The following BMP5 variants were observed in gnomAD, a reference collection of about 807,000 sequenced individuals.
BMP5 encodes the protein bone morphogenetic protein 5.
A neutral mutation model predicts 46.6 loss-of-function variants in BMP5; 23 were observed. That is an observed-to-expected ratio of 0.49 (90% CI 0.35 to 0.70). The LOEUF (loss-of-function observed/expected upper bound fraction) is 0.70, where lower values mean the gene tolerates loss of function less well. Among genes scored for constraint, BMP5 ranks in the 30% least tolerant of loss-of-function variants. The pLI, the probability that BMP5 is intolerant of heterozygous loss-of-function variation, is 0.00. For missense variants in BMP5, 545 were observed against 565.6 expected (o/e 0.96, Z 0.37); for synonymous variants, 204 against 191.9 (o/e 1.06, Z -0.52).
intron 2 of BMP5, among the ~76,000 whole-genome samples, chr6:55,808,028 G>A (rs1776034142): frequency 6.6e-6 from 1 of 152,148 alleles, no homozygotes; most frequent in South Asian, 2.1e-4. Flanking sequence ...ACTTCAGTGG[G>A]GGGAGAAACC....
chr6:55,807,792 G>C (rs1776026322), intron 2 of BMP5, among the ~76,000 whole-genome samples: 1 of 152,156 alleles, frequency 6.6e-6, no homozygotes, highest in Non-Finnish European at 1.5e-5. Flanking sequence ...TCTTGGGAGG[G>C]TGTATGTGTC....
At chr6:55,803,750 A>G (rs1164154465) in intron 2 of BMP5, among the ~76,000 whole-genome samples, 1 of 152,176 alleles carries the variant, frequency 6.6e-6, no homozygotes, top group Non-Finnish European at 1.5e-5. Context: ...AGTTTGTGGA[A>G]TTCATGGTGA....
chr6:55,828,018 A>G (rs1776572563), intron 1 of BMP5, among the ~76,000 whole-genome samples: 1 of 151,888 alleles, frequency 6.6e-6, no homozygotes, highest in South Asian at 2.1e-4. Context: ...CAACCATTCT[A>G]ATCTCACCAG....
intron 2 of BMP5, among the ~76,000 whole-genome samples, chr6:55,807,045 T>C (rs1418123010): frequency 6.6e-6 from 1 of 152,120 alleles, no homozygotes; most frequent in African/African-American, 2.4e-5. Flanking sequence ...TCTCTTCCTA[T>C]CTGAATACCC....
At chr6:55,826,304 C>T (rs1776530473) in intron 1 of BMP5, among the ~76,000 whole-genome samples, 1 of 151,572 alleles carries the variant, frequency 6.6e-6, no homozygotes, top group Admixed American at 6.6e-5. Context: ...CAGTTATTAT[C>T]CTCTTACTCA....
intron 1 of BMP5, among the ~76,000 whole-genome samples, chr6:55,872,631 T>C (rs542875132): frequency 5.3e-4 from 80 of 151,906 alleles, no homozygotes; most frequent in South Asian, 1.4e-3. Flanking sequence ...AAATCATGCT[T>C]ACACTTCTCT....
chr6:55,764,133 A>T (rs1256652088), intron 4 of BMP5, among the ~76,000 whole-genome samples: 1 of 152,216 alleles, frequency 6.6e-6, no homozygotes, highest in African/African-American at 2.4e-5. Flanking sequence ...AAACAAAGGA[A>T]ATCAATAAGT....
At chr6:55,787,874 C>T (rs1456990365) in intron 3 of BMP5, among the ~76,000 whole-genome samples, 1 of 151,566 alleles carries the variant, frequency 6.6e-6, no homozygotes, top group Non-Finnish European at 1.5e-5. Context: ...ATCTAAATCT[C>T]AAAATCTAAA....
intron 3 of BMP5, among the ~76,000 whole-genome samples, chr6:55,776,297 C>G (rs1444921146): frequency 6.6e-6 from 1 of 151,888 alleles, no homozygotes; most frequent in African/African-American, 2.4e-5. Context: ...TCTGGCAGCC[C>G]TTTCACTGTA....
intron 1 of BMP5, among the ~76,000 whole-genome samples, chr6:55,873,606 T>C (rs1420116961): frequency 4.6e-5 from 7 of 151,980 alleles, no homozygotes; most frequent in South Asian, 2.1e-4. Flanking sequence ...CAGCTACAAC[T>C]AAAACATAAT....
intron 2 of BMP5, among the ~76,000 whole-genome samples, chr6:55,805,122 T>C (rs1167137335): frequency 6.6e-6 from 1 of 152,172 alleles, no homozygotes; most frequent in Non-Finnish European, 1.5e-5. Context: ...TTATCAAGAG[T>C]ACTATATTAT....
chr6:55,788,836 C>A (rs1040344354), intron 3 of BMP5, among the ~76,000 whole-genome samples: 1 of 151,832 alleles, frequency 6.6e-6, no homozygotes, highest in Non-Finnish European at 1.5e-5. Context: ...CATTTATCCT[C>A]CTCATTTAAA....
At chr6:55,778,134 C>A (rs766681975) in intron 3 of BMP5, among the ~76,000 whole-genome samples, 1 of 151,970 alleles carries the variant, frequency 6.6e-6, no homozygotes, top group Non-Finnish European at 1.5e-5. Context: ...AGAGACAATG[C>A]CAGTAATGGG....
At chr6:55,775,569 T>C (rs1195348187) in intron 3 of BMP5, among the ~76,000 whole-genome samples, 1 of 151,950 alleles carries the variant, frequency 6.6e-6, no homozygotes, top group Non-Finnish European at 1.5e-5. Flanking sequence ...TAACATATAA[T>C]GTGGTTTGAA....
intron 1 of BMP5, among the ~76,000 whole-genome samples, chr6:55,848,101 G>A (rs1460454615): frequency 6.6e-6 from 1 of 151,918 alleles, no homozygotes; most frequent in Non-Finnish European, 1.5e-5. Flanking sequence ...TTCCCTGTGT[G>A]AGGTCAAAAG....
At chr6:55,874,309 T>A in intron 1 of BMP5, 67 bp downstream of exon 1, 1 of 1,601,016 alleles carries the variant, frequency 6.2e-7, no homozygotes, top group South Asian at 1.1e-5. Flanking sequence ...ACCAAGCAGC[T>A]CCTTTACCAT....
chr6:55,810,691 A>T (rs1776110405), intron 2 of BMP5, among the ~76,000 whole-genome samples: 2 of 152,228 alleles, frequency 1.3e-5, no homozygotes, highest in Non-Finnish European at 2.9e-5. Context: ...ATATTAGCTT[A>T]TGGCACAAAC....
At chr6:55,866,602 A>G (rs1777645106) in intron 1 of BMP5, among the ~76,000 whole-genome samples, 1 of 152,148 alleles carries the variant, frequency 6.6e-6, no homozygotes, top group South Asian at 2.1e-4. Flanking sequence ...TTTGCTCTAC[A>G]TACTTGCATA....
intron 1 of BMP5, among the ~76,000 whole-genome samples, chr6:55,854,235 T>A (rs965274302): frequency 6.6e-6 from 1 of 152,048 alleles, no homozygotes; most frequent in Non-Finnish European, 1.5e-5. Flanking sequence ...CAAGTAGGAG[T>A]GAAGACAGAT....
Sources: gnomAD v4.1 joint callset for allele counts (sites outside exome capture counted in the v4.1 genomes callset) on GRCh38, gnomAD v4.1.1 for gene constraint, MANE v1.5 for transcripts, NCBI Gene and HGNC (gene_info 2026-07-23, HGNC 2026-07-21) for gene names.